The following CACNA2D3 variants were observed in gnomAD, a reference collection of about 807,000 sequenced individuals.
The protein encoded by CACNA2D3 is voltage-dependent calcium channel subunit alpha-2/delta-3.
CACNA2D3 carries 60 observed loss-of-function variants against 160.6 expected under a neutral mutation model. That is an observed-to-expected ratio of 0.37 (90% CI 0.30 to 0.46). CACNA2D3 has a LOEUF of 0.46. Ranked by LOEUF, CACNA2D3 falls within the 20% of genes least tolerant of loss-of-function variation. CACNA2D3 has a pLI of 1.00. For missense variants in CACNA2D3, 1,205 were observed against 1,365.0 expected (o/e 0.88, Z 1.85); for synonymous variants, 558 against 492.9 (o/e 1.13, Z -1.75).
At chr3:54,374,843 A>G (rs1021916275) in intron 3 of CACNA2D3, among the ~76,000 whole-genome samples, 6 of 151,974 alleles carry the variant, frequency 3.9e-5, no homozygotes, top group Non-Finnish European at 7.4e-5. Flanking sequence ...CTTTCTCGTT[A>G]TTGTCTTGGA....
chr3:54,450,118 A>G (rs1183703997), intron 4 of CACNA2D3, among the ~76,000 whole-genome samples: 1 of 152,186 alleles, frequency 6.6e-6, no homozygotes, highest in Non-Finnish European at 1.5e-5. Context: ...GCTCTGGGGA[A>G]CTAGGTGAGT....
intron 3 of CACNA2D3, among the ~76,000 whole-genome samples, chr3:54,375,099 T>G (rs1404895860): frequency 6.6e-6 from 1 of 152,132 alleles, no homozygotes; most frequent in Non-Finnish European, 1.5e-5. Context: ...CAGGTCTCAG[T>G]GTAGATGAGA....
chr3:54,619,841 C>T (rs575904676), intron 9 of CACNA2D3, among the ~76,000 whole-genome samples: 1 of 152,230 alleles, frequency 6.6e-6, no homozygotes, highest in Admixed American at 6.5e-5. Context: ...GAGAGATTTG[C>T]CCCAAAGAGG....
chr3:54,172,268 T>G (rs190791325), intron 2 of CACNA2D3, among the ~76,000 whole-genome samples: 1 of 152,366 alleles, frequency 6.6e-6, no homozygotes, highest in East Asian at 1.9e-4. Context: ...TTATTCATAT[T>G]AGGCCTGTGC....
chr3:54,505,003 T>C (rs945842412), intron 5 of CACNA2D3, among the ~76,000 whole-genome samples: 2 of 152,222 alleles, frequency 1.3e-5, no homozygotes, highest in Non-Finnish European at 2.9e-5. Context: ...ATGTTCTAAG[T>C]CACTATTTAA....
intron 29 of CACNA2D3, among the ~76,000 whole-genome samples, chr3:54,970,613 C>CTCTCCTCTCCTCTCCTG (rs1702255114): frequency 8.0e-6 from 1 of 125,678 alleles, no homozygotes; most frequent in Non-Finnish European, 1.7e-5. Flanking sequence ...CCCCTCTCCT[C>CTCTCCTCTCCTCTCCTG]TGCTCTCCTC....
intron 27 of CACNA2D3, among the ~76,000 whole-genome samples, chr3:54,941,708 T>C (rs558166239): frequency 9.2e-5 from 14 of 152,352 alleles, no homozygotes; most frequent in Admixed American, 7.8e-4. Context: ...TTCCTGCTAA[T>C]GGGATCTTGG....
rs572458294 is a variant in CACNA2D3 at position 54,767,582 on chromosome 3, G to C, written c.1380+3231G>C. On this transcript the variant is annotated intron_variant, in intron 13 of 37. Transcript: ENST00000474759. Reference sequence around the variant, plus strand: ...TAGCAATGAGCCCATCCAGTACCCAGATTCTGGCTTCTAAAAAACACTCCC... The same window carrying C: ...TAGCAATGAGCCCATCCAGTACCCACATTCTGGCTTCTAAAAAACACTCCC... Among the ~76,000 whole-genome samples, 19 of 152,244 alleles carry C rather than the reference G, an allele frequency of 1.2e-4. No individual in the cohort carries two copies. The South Asian group carries it at 3.7e-3, about 30-fold the overall frequency.
At chr3:54,927,809 C>A in intron 27 of CACNA2D3, 1 of 1,313,002 alleles carries the variant, frequency 7.6e-7, no homozygotes, top group South Asian at 1.2e-5. Flanking sequence ...TTAAGACAGA[C>A]GACTTGAAAA....
intron 14 of CACNA2D3, among the ~76,000 whole-genome samples, chr3:54,821,717 CTCTCTCTCTCTCTCTCTCTT>C (rs1483810621): frequency 1.2e-5 from 1 of 86,372 alleles, no homozygotes; most frequent in East Asian, 3.1e-4. Flanking sequence ...TCCTTCTTTC[CTCTCTCTCTCTCTCTCTCTT>C]TCTCTCTCTC....
At position 54,706,518 on chromosome 3, in the gene CACNA2D3, G is replaced by T. The variant is rs201715701; in HGVS notation, c.1168-46081G>T. 1.1e-3 allele frequency among the ~76,000 whole-genome samples: 163 copies of T among 152,292 alleles called. 1 individual carries two copies. Among genetic ancestry groups the T allele is most frequent in the East Asian group, 2.1e-3 (11 of 5,180 alleles). On this transcript the variant is annotated intron_variant, in intron 11 of 37. Transcript: ENST00000474759. ...ACATCTGTCTTTATTTATTAAAAATGGTATCTATCCTCAGGCTTTGGTGCT... is the reference window on the plus strand; with the variant it reads ...ACATCTGTCTTTATTTATTAAAAATTGTATCTATCCTCAGGCTTTGGTGCT...
At chr3:55,003,891 C>G (rs1353158046) in intron 31 of CACNA2D3, among the ~76,000 whole-genome samples, 1 of 152,080 alleles carries the variant, frequency 6.6e-6, no homozygotes, top group Non-Finnish European at 1.5e-5. Context: ...CAACTGCATC[C>G]TGTGGTTTGG....
At chr3:54,448,246 C>G (rs918937779) in intron 4 of CACNA2D3, among the ~76,000 whole-genome samples, 1 of 151,490 alleles carries the variant, frequency 6.6e-6, no homozygotes, top group Admixed American at 6.6e-5. Flanking sequence ...AACTGAGGCT[C>G]ATTGCCTCTG....
intron 13 of CACNA2D3, among the ~76,000 whole-genome samples, chr3:54,781,103 A>G (rs558935808): frequency 6.7e-4 from 102 of 152,266 alleles, no homozygotes; most frequent in Middle Eastern, 3.4e-3. Flanking sequence ...TTAACTATTA[A>G]TGTTACTGAG....
chr3:54,326,601 G>A (rs768042298), intron 3 of CACNA2D3, among the ~76,000 whole-genome samples: 6 of 152,154 alleles, frequency 3.9e-5, no homozygotes, highest in Non-Finnish European at 7.4e-5. Context: ...AATTGATTCC[G>A]TTTATCCATT....
At chr3:54,509,441 G>T (rs1701424155) in intron 5 of CACNA2D3, among the ~76,000 whole-genome samples, 1 of 152,140 alleles carries the variant, frequency 6.6e-6, no homozygotes, top group Non-Finnish European at 1.5e-5. Context: ...ATTTGGATTA[G>T]GCTCCAATCT....
intron 2 of CACNA2D3, among the ~76,000 whole-genome samples, chr3:54,205,737 G>C (rs1701264932): frequency 6.6e-6 from 1 of 152,172 alleles, no homozygotes; most frequent in African/African-American, 2.4e-5. Context: ...TCTGGGGCTG[G>C]AATGGGGTGA....
intron 4 of CACNA2D3, among the ~76,000 whole-genome samples, chr3:54,448,024 G>T (rs1184087064): frequency 6.6e-6 from 1 of 152,142 alleles, no homozygotes; most frequent in Non-Finnish European, 1.5e-5. Context: ...AAAGTTTCAA[G>T]GAGACATCTG....
intron 11 of CACNA2D3, among the ~76,000 whole-genome samples, chr3:54,652,065 A>G (rs907814419): frequency 4.6e-5 from 7 of 152,164 alleles, no homozygotes; most frequent in South Asian, 4.1e-4. Flanking sequence ...CCAACTCCAC[A>G]GGCAACTTGG....
Sources: allele counts gnomAD v4.1 joint callset (sites outside exome capture counted in the v4.1 genomes callset), GRCh38; gene constraint gnomAD v4.1.1; transcripts MANE v1.5; gene names NCBI Gene and HGNC (gene_info 2026-07-23, HGNC 2026-07-21).